The following BCR variants were observed in gnomAD, a reference collection of about 807,000 sequenced individuals.
The protein encoded by BCR is BCR activator of RhoGEF and GTPase.
In BCR, 58 loss-of-function variants were observed where a neutral mutation model predicts 138.6. The ratio of observed to expected loss-of-function variants is 0.42; its 90% CI spans 0.34 to 0.52. The LOEUF (loss-of-function observed/expected upper bound fraction) is 0.52, where lower values mean the gene tolerates loss of function less well. BCR is among the 20% of genes least tolerant of loss of function. BCR has a pLI of 0.06. For missense variants in BCR, 1,599 were observed against 1,727.2 expected (o/e 0.93, Z 1.32); for synonymous variants, 786 against 730.1 (o/e 1.08, Z -1.23).
At chr22:23,284,575 T>A (rs2073689056) in intron 9 of BCR, among the ~76,000 whole-genome samples, 1 of 152,190 alleles carries the variant, frequency 6.6e-6, no homozygotes, top group South Asian at 2.1e-4. Context: ...CGGGGCTCTT[T>A]CCTGCATCCT....
chr22:23,236,735 G>T (rs1199568363), intron 1 of BCR, among the ~76,000 whole-genome samples: 1 of 152,244 alleles, frequency 6.6e-6, no homozygotes, highest in East Asian at 1.9e-4. Flanking sequence ...TCCTTGGCAG[G>T]TGCCTGCCCT....
chr22:23,302,648 AAC>A (rs1460242233), intron 16 of BCR: 2 of 152,270 alleles, frequency 1.3e-5, no homozygotes, highest in Non-Finnish European at 2.9e-5. Flanking sequence ...CTGTGCAGAA[AAC>A]AGTGTCCACG....
chr22:23,188,280 A>G (rs993167556), intron 1 of BCR, among the ~76,000 whole-genome samples: 3 of 152,234 alleles, frequency 2.0e-5, no homozygotes, highest in Admixed American at 2.0e-4. Flanking sequence ...TTTTGGGAAC[A>G]GAATGGAGCA....
chr22:23,292,586 A>G lies in BCR; in HGVS notation c.2828A>G (p.Asn943Ser). Residue 943 changes from asparagine (N) to serine (S), a missense_variant, in exon 15 of 23, where the codon AAT becomes AGT. By Grantham distance (46) the Asn-to-Ser change is conservative. Transcript: ENST00000305877. ...LEVDSFGYFV[N>S]KAKTRVYRDT... ...GTGGATTCCTTTGGGTATTTTGTGA[A>G]TAAAGCAAAGACGCGCGTCTACAGG... is the stretch of plus-strand genomic sequence containing the variant. 3.1e-6 allele frequency: 5 copies of G among 1,613,664 alleles called. No individual in the cohort carries two copies. The highest frequency in any genetic ancestry group is 1.7e-6 in the Non-Finnish European group (2 of 1,179,690).
intron 1 of BCR, among the ~76,000 whole-genome samples, chr22:23,247,591 C>T (rs973678530): frequency 9.2e-5 from 14 of 152,158 alleles, no homozygotes; most frequent in African/African-American, 3.4e-4. Context: ...GGCTGGGTTC[C>T]TGGAACCCCA....
intron 22 of BCR, 88 bp from the exon 23 acceptor site, chr22:23,315,345 C>T: frequency 8.1e-7 from 1 of 1,233,652 alleles, no homozygotes; most frequent in South Asian, 1.2e-5. Context: ...CTGAGATGGA[C>T]TTGGAGGCTT....
chr22:23,196,541 G>A (rs1253222805), intron 1 of BCR, among the ~76,000 whole-genome samples: 1 of 152,150 alleles, frequency 6.6e-6, no homozygotes, highest in Non-Finnish European at 1.5e-5. Flanking sequence ...CAGGAAATTG[G>A]TTCCAGGATT....
At chr22:23,184,548 C>A (rs577723536) in intron 1 of BCR, among the ~76,000 whole-genome samples, 3 of 152,124 alleles carry the variant, frequency 2.0e-5, no homozygotes, top group Non-Finnish European at 2.9e-5. Context: ...ATACTCCCTA[C>A]CCCTACACCC....
In BCR at chr22:23,181,665, C is replaced by G; in HGVS notation, c.705C>G (p.Ser235=). The part of the protein sequence containing the change: ...DASRPPYRGR[S]SESSCGVDGD... Reference sequence around the variant, plus strand: ...CCAGGCCCCCTTACCGGGGACGCTCCTCGGAGAGCAGCTGCGGCGTCGACG... The same window carrying G: ...CCAGGCCCCCTTACCGGGGACGCTCGTCGGAGAGCAGCTGCGGCGTCGACG... Residue 235 remains serine (S), a synonymous_variant, in exon 1 of 23, where the codon TCC becomes TCG. Transcript: ENST00000305877. The G allele has an allele frequency of 1.9e-6, 3 of 1,607,710 alleles. No homozygotes were observed. Among genetic ancestry groups the G allele is most frequent in the Non-Finnish European group, 2.5e-6 (3 of 1,179,824 alleles).
At position 23,218,124 on chromosome 22, in the gene BCR, C is replaced by T. The variant is rs142809186; in HGVS notation, c.1280-35675C>T. On this transcript the variant is annotated intron_variant, in intron 1 of 22. Transcript: ENST00000305877. ...CACTGTTCTCTTCATTCTGGACCCC[C>T]TTGTCATCACGATGCCAGTGCTGTC... 7.6e-3 allele frequency among the ~76,000 whole-genome samples: 1,161 copies of T among 152,328 alleles called. 13 individuals are homozygous for T. The highest frequency in any genetic ancestry group is 0.012 in the Non-Finnish European group (845 of 68,024).
chr22:23,197,380 T>C (rs2072496957), intron 1 of BCR, among the ~76,000 whole-genome samples: 1 of 152,234 alleles, frequency 6.6e-6, no homozygotes, highest in Non-Finnish European at 1.5e-5. Flanking sequence ...AAGCAAGGTA[T>C]GGCTTTATCT....
intron 1 of BCR, among the ~76,000 whole-genome samples, chr22:23,196,685 A>T (rs1479557160): frequency 6.6e-6 from 1 of 152,014 alleles, no homozygotes; most frequent in South Asian, 2.1e-4. Flanking sequence ...CAGGTATTAG[A>T]TTCTCATGAG....
At chr22:23,249,358 G>C (rs1360810077) in intron 1 of BCR, among the ~76,000 whole-genome samples, 1 of 151,280 alleles carries the variant, frequency 6.6e-6, no homozygotes, top group Non-Finnish European at 1.5e-5. Flanking sequence ...CGTGAACCCG[G>C]AAGGTGGAGC....
chr22:23,201,706 C>T (rs765734452), intron 1 of BCR, among the ~76,000 whole-genome samples: 4 of 152,146 alleles, frequency 2.6e-5, no homozygotes, highest in South Asian at 2.1e-4. Context: ...CCGCCCTCCT[C>T]GGCCTCCCAA....
At chr22:23,262,442 C>T (rs906181105) in intron 4 of BCR, among the ~76,000 whole-genome samples, 2 of 152,358 alleles carry the variant, frequency 1.3e-5, no homozygotes, top group Non-Finnish European at 1.5e-5. Context: ...TTGAGGAACA[C>T]AGAAGGCACT....
At position 23,312,887 on chromosome 22, in the gene BCR, A is replaced by T; in HGVS notation, c.3323A>T (p.Asn1108Ile). 3.8e-6 allele frequency: 6 copies of T among 1,596,302 alleles called. No homozygotes were observed. Among genetic ancestry groups the T allele is most frequent in the Non-Finnish European group, 5.1e-6 (6 of 1,178,804 alleles). Residue 1108 changes from asparagine (N) to isoleucine (I), a missense_variant and splice_region_variant, in exon 20 of 23, where the codon AAT becomes ATT. Asn to Ile is a moderately radical substitution (Grantham distance 149). This residue lies in a region of BCR where 177 missense variants were observed against 226.4 expected (regional missense o/e 0.78). Coordinates refer to ENST00000305877, the MANE Select transcript of BCR (RefSeq NM_004327.4). ...CGCTGCATTTCCGTGCTCTTTCCAGATAACAAGGACGTGTCGGTGATGATG... is the reference window on the plus strand; with the variant it reads ...CGCTGCATTTCCGTGCTCTTTCCAGTTAACAAGGACGTGTCGGTGATGATG... ...IQALKAAFDV[N>I]NKDVSVMMSE... is the part of the protein sequence containing the mutation.
At chr22:23,229,392 G>A (rs1232417791) in intron 1 of BCR, among the ~76,000 whole-genome samples, 1 of 152,022 alleles carries the variant, frequency 6.6e-6, no homozygotes, top group South Asian at 2.1e-4. Context: ...ATGTTGCTTA[G>A]TTCTCTGTCA....
chr22:23,182,171 T>A lies in BCR; in HGVS notation c.1211T>A (p.Ile404Asn). The change falls in exon 1 of 23, where the codon ATC (isoleucine) becomes AAC (asparagine). Residue 404 changes from isoleucine (I) to asparagine (N), a missense_variant. Ile to Asn is a moderately radical substitution (Grantham distance 149). Coordinates refer to ENST00000305877, the MANE Select transcript of BCR (RefSeq NM_004327.4). The stretch of plus-strand genomic sequence containing the variant: ...CCGGTTGTCGTGTCCGAGGCCACCA[T>A]CGTGGGCGTCCGCAAGACCGGGCAG... Reference protein sequence around the residue: ...HCPVVVSEATIVGVRKTGQIW... With the variant: ...HCPVVVSEATNVGVRKTGQIW... 6.2e-7 allele frequency: 1 copy of A among 1,605,012 alleles called. No homozygotes were observed. The highest frequency in any genetic ancestry group is 8.5e-7 in the Non-Finnish European group (1 of 1,179,070).
intron 6 of BCR, among the ~76,000 whole-genome samples, chr22:23,272,413 A>G (rs2073519646): frequency 6.6e-6 from 1 of 152,176 alleles, no homozygotes; most frequent in Non-Finnish European, 1.5e-5. Flanking sequence ...TGAAGAACAT[A>G]CTTGGCATGT....
Sources: gnomAD v4.1 joint callset for allele counts (sites outside exome capture counted in the v4.1 genomes callset) on GRCh38, gnomAD v4.1.1 for gene constraint, gnomAD v4.1.1 regional missense constraint, MANE v1.5 for transcripts, NCBI Gene and HGNC (gene_info 2026-07-23, HGNC 2026-07-21) for gene names.